The following ASPRV1 variants were observed in gnomAD, a reference collection of about 807,000 sequenced individuals.
ASPRV1 encodes the protein aspartic peptidase retroviral like 1.
In ASPRV1, 7 loss-of-function variants were observed where a neutral mutation model predicts 11.0. That is an observed-to-expected ratio of 0.64 (90% CI 0.36 to 1.20). The LOEUF (loss-of-function observed/expected upper bound fraction) is 1.20. ASPRV1 is among the 50% of genes most tolerant of loss of function. The probability of loss-of-function intolerance (pLI) is 0.02; values close to 1 mark genes in which losing one functional copy is unlikely to be tolerated. For synonymous variants in ASPRV1, 136 were observed against 138.4 expected, an observed-to-expected ratio of 0.98 and a Z score of 0.12; for missense variants, 299 against 320.0, an observed-to-expected ratio of 0.93 and a Z score of 0.50.
the ASPRV1 span, among the ~76,000 whole-genome samples, chr2:70,052,280 T>G: frequency 6.6e-6 from 1 of 152,136 alleles, no homozygotes; most frequent in African/African-American, 2.4e-5. Flanking sequence ...TAGAGAATAA[T>G]AGCAGTATTA....
chr2:70,020,649 G>A, the ASPRV1 span, among the ~76,000 whole-genome samples: 1 of 152,198 alleles, frequency 6.6e-6, no homozygotes, highest in Non-Finnish European at 1.5e-5. Context: ...GGCTGAGGCA[G>A]GAGAATCATT....
the ASPRV1 span, among the ~76,000 whole-genome samples, chr2:69,945,001 C>A: frequency 2.0e-5 from 3 of 152,160 alleles, no homozygotes; most frequent in African/African-American, 7.2e-5. Context: ...CTTTGACTCA[C>A]CTCTTCGATG....
the ASPRV1 span, among the ~76,000 whole-genome samples, chr2:70,025,355 C>T: frequency 6.6e-6 from 1 of 151,560 alleles, no homozygotes; most frequent in Non-Finnish European, 1.5e-5. Flanking sequence ...CTCAGGAGCT[C>T]AAGGCCAGCC....
the ASPRV1 span, among the ~76,000 whole-genome samples, chr2:70,013,881 AAAAC>A: frequency 6.6e-5 from 10 of 152,264 alleles, no homozygotes; most frequent in African/African-American, 9.6e-5. Flanking sequence ...ACTCCGTCTC[AAAAC>A]AAACAAACAA....
the ASPRV1 span, among the ~76,000 whole-genome samples, chr2:70,063,715 T>C: frequency 6.6e-6 from 1 of 152,192 alleles, no homozygotes; most frequent in Non-Finnish European, 1.5e-5. Flanking sequence ...GCCCATAAAA[T>C]ACAGAGAAAG....
chr2:70,075,921 A>C, the ASPRV1 span, among the ~76,000 whole-genome samples: 152 of 152,302 alleles, frequency 1.0e-3, no homozygotes, highest in African/African-American at 3.4e-3. Context: ...TCATGTGAAA[A>C]AATAAACAAG....
At chr2:70,072,240 C>G in the ASPRV1 span, among the ~76,000 whole-genome samples, 2 of 151,208 alleles carry the variant, frequency 1.3e-5, no homozygotes, top group South Asian at 2.1e-4. Flanking sequence ...GTGTGAGCCA[C>G]TGCACCCAGC....
the ASPRV1 span, among the ~76,000 whole-genome samples, chr2:70,066,606 T>C: frequency 6.9e-6 from 1 of 145,318 alleles, no homozygotes; most frequent in African/African-American, 2.7e-5. Flanking sequence ...TTTTACTTTA[T>C]TTTTTTTTTG....
At chr2:69,982,844 C>T in the ASPRV1 span, among the ~76,000 whole-genome samples, 1 of 152,192 alleles carries the variant, frequency 6.6e-6, no homozygotes, top group Non-Finnish European at 1.5e-5. Context: ...GCGTCAGAAC[C>T]CTGGAGCAGA....
At chr2:70,051,461 C>A in the ASPRV1 span, among the ~76,000 whole-genome samples, 1 of 152,120 alleles carries the variant, frequency 6.6e-6, no homozygotes. Flanking sequence ...ACTCAGCTGG[C>A]AAATTTCTTG....
chr2:70,045,876 C>A, the ASPRV1 span: 35 of 150,860 alleles, frequency 2.3e-4, no homozygotes, highest in African/African-American at 7.6e-4. Context: ...GAGCCGAGAT[C>A]ACACCACTGC....
the ASPRV1 span, among the ~76,000 whole-genome samples, chr2:70,026,872 C>T: frequency 5.3e-5 from 8 of 152,192 alleles, no homozygotes; most frequent in Admixed American, 4.6e-4. Context: ...TAGGGAACCA[C>T]AAAAGACCCC....
At chr2:70,039,435 T>G in the ASPRV1 span, among the ~76,000 whole-genome samples, 1 of 152,142 alleles carries the variant, frequency 6.6e-6, no homozygotes, top group Non-Finnish European at 1.5e-5. Flanking sequence ...TCAGAACAAC[T>G]TGCTGTAAGT....
chr2:70,071,114 TA>T, the ASPRV1 span, among the ~76,000 whole-genome samples: 22 of 152,208 alleles, frequency 1.4e-4, no homozygotes, highest in Non-Finnish European at 2.6e-4. Context: ...CCTGACCTCC[TA>T]ATGATTACAA....
the ASPRV1 span, among the ~76,000 whole-genome samples, chr2:69,971,675 G>T: frequency 6.6e-6 from 1 of 152,228 alleles, no homozygotes; most frequent in Non-Finnish European, 1.5e-5. Context: ...TGTTTGGGGA[G>T]GCCGGAGATG....
chr2:69,939,659 G>A, the ASPRV1 span: 1 of 152,702 alleles, frequency 6.5e-6, no homozygotes, highest in South Asian at 2.1e-4. Flanking sequence ...TCATATTTTT[G>A]AGGTCTTGAT....
At chr2:69,963,296 G>A (rs1162883569), upstream of ASPRV1, 2 of 456,520 alleles carry the variant, frequency 4.4e-6, no homozygotes, top group South Asian at 1.5e-5. Flanking sequence ...TTGAGAGCAG[G>A]TGGTTCTTTG....
At chr2:70,004,621 G>T in the ASPRV1 span, among the ~76,000 whole-genome samples, 1 of 151,304 alleles carries the variant, frequency 6.6e-6, no homozygotes, top group Non-Finnish European at 1.5e-5. Context: ...ATCAGTATTT[G>T]GTAAGAAGAT....
the ASPRV1 span, chr2:70,056,135 G>A: frequency 6.6e-6 from 1 of 152,122 alleles, no homozygotes; most frequent in South Asian, 2.1e-4. Flanking sequence ...AGGTAGTAAA[G>A]TATCCAAATT....
Sources: allele counts gnomAD v4.1 joint callset (sites outside exome capture counted in the v4.1 genomes callset), GRCh38; gene constraint gnomAD v4.1.1; transcripts MANE v1.5; gene names NCBI Gene and HGNC (gene_info 2026-07-23, HGNC 2026-07-21).